MTMR7: variants seen among roughly 807,000 people sequenced by gnomAD.
MTMR7 encodes myotubularin related protein 7, also known as phosphatidylinositol-3-phosphate phosphatase MTMR7.
Under a neutral mutation model 81.2 loss-of-function variants are expected in MTMR7, and 76 were observed. The observed-to-expected ratio is 0.94, with a 90% CI of 0.78 to 1.13. MTMR7 has a LOEUF of 1.13. MTMR7 is among the 50% of genes most tolerant of loss of function. The pLI, the probability that MTMR7 is intolerant of heterozygous loss-of-function variation, is 0.00. For synonymous variants in MTMR7, 372 were observed against 289.8 expected, an observed-to-expected ratio of 1.28 and a Z score of -2.88; for missense variants, 1,044 against 820.0, an observed-to-expected ratio of 1.27 and a Z score of -3.34.
rs1358360356 is a variant in MTMR7, at chr8:17,302,039, A to G, written c.1620+115T>C. On this transcript the variant is annotated intron_variant, in intron 13 of 13. Coordinates refer to ENST00000180173, the MANE Select transcript of MTMR7 (RefSeq NM_004686.5). ...GATGGGGTTGTGTTTCAGGTGTTCT[A>G]CTGACTAAAAATGTGAAATATTTGT... 2.7e-5 allele frequency: 37 copies of G among 1,391,184 alleles called. No homozygotes were observed. The South Asian group carries it at 3.6e-4, about 14-fold the overall frequency. 86.2% of individuals were successfully genotyped at this position (1,391,184 alleles called of 1,614,324 possible).
chr8:17,318,416 G>A (rs1818210964), intron 7 of MTMR7, among the ~76,000 whole-genome samples: 2 of 152,108 alleles, frequency 1.3e-5, no homozygotes, highest in Non-Finnish European at 2.9e-5. Flanking sequence ...AGGAAAAAAG[G>A]TACAGGATGA....
chr8:17,360,783 C>T (rs11987330), intron 4 of MTMR7, among the ~76,000 whole-genome samples: 18,607 of 151,940 alleles, frequency 0.12, 1,284 homozygotes, highest in African/African-American at 0.18. Context: ...TCACTCACTA[C>T]ACTATAAAAA....
At chr8:17,312,113 A>C (rs562298843) in intron 8 of MTMR7, among the ~76,000 whole-genome samples, 18 of 152,374 alleles carry the variant, frequency 1.2e-4, no homozygotes, top group African/African-American at 4.3e-4. Context: ...AACAAAAGTA[A>C]AAATGACACC....
At chr8:17,400,429 A>C (rs1821393491) in intron 1 of MTMR7, among the ~76,000 whole-genome samples, 1 of 152,186 alleles carries the variant, frequency 6.6e-6, no homozygotes, top group Non-Finnish European at 1.5e-5. Flanking sequence ...TAACAACTCT[A>C]CCATTTTGCG....
chr8:17,398,675 A>G (rs1048561673), intron 1 of MTMR7, among the ~76,000 whole-genome samples: 1 of 152,194 alleles, frequency 6.6e-6, no homozygotes, highest in Non-Finnish European at 1.5e-5. Flanking sequence ...CAACCTAAAG[A>G]ACTATGGTGT....
intron 6 of MTMR7, among the ~76,000 whole-genome samples, chr8:17,336,924 G>C (rs80210979): frequency 0.012 from 1,885 of 152,256 alleles, 40 homozygotes; most frequent in East Asian, 0.074. Flanking sequence ...GTGGGCTCTG[G>C]GGTTAGATAA....
At chr8:17,355,227 A>C (rs1057466423) in intron 4 of MTMR7, among the ~76,000 whole-genome samples, 2 of 152,334 alleles carry the variant, frequency 1.3e-5, no homozygotes, top group Middle Eastern at 3.4e-3. Context: ...TTTCTTTACT[A>C]AACTTGGATT....
In MTMR7 at chr8:17,306,889, A is replaced by C. The variant is rs1300524204; in HGVS notation, c.1152-932T>G. 2.7e-5 allele frequency among the ~76,000 whole-genome samples: 4 copies of C among 150,872 alleles called. No homozygotes were observed. In the Admixed American group the frequency reaches 2.7e-4, roughly 10 times the overall value. On this transcript the variant is annotated intron_variant, in intron 10 of 13. Coordinates refer to ENST00000180173, the MANE Select transcript of MTMR7 (RefSeq NM_004686.5). ...TTGCACCTTATACAAAAATTAATTC[A>C]AGATGGATTAAAGACTTAAACGTTA...
Position 17,331,176 on chromosome 8 carries a change from C to T in MTMR7, c.839G>A (p.Arg280Lys), listed in dbSNP as rs953439770. The T allele has an allele frequency of 3.7e-6, 6 of 1,612,220 alleles. No homozygotes were observed. Among genetic ancestry groups the T allele is most frequent in the Admixed American group, 1.7e-5 (1 of 59,424 alleles). Reference protein sequence around the residue: ...FIGIENIHVMRNSLQKMLEVC... With the variant: ...FIGIENIHVMKNSLQKMLEVC... ...TTCCAGCATTTTCTGCAGACTGTTC[C>T]TCATGACATGGATGTTCTCTATCCC... Residue 280 changes from arginine to lysine, a missense_variant, in exon 7 of 14, where the codon AGG becomes AAG. By Grantham distance (26) the Arg-to-Lys change is conservative. Transcript: ENST00000180173.
Position 17,373,121 on chromosome 8 carries a change from TG to T in MTMR7, c.143del (p.Thr48AsnfsTer24), listed in dbSNP as rs1563364801. The T allele has an allele frequency of 6.2e-7, 1 of 1,613,728 alleles. No homozygotes were observed. Among genetic ancestry groups the T allele is most frequent in the African/African-American group, 1.3e-5 (1 of 75,034 alleles). ...VENSPDPRKETWILHSQISTI... is the reference protein window; with the variant it reads ...VENSPDPRKEXWILHSQISTI... ...GCTAAAAATAAAGAAAGCATACCCA[TG>T]TTTCTTTTCTTGGGTCAGGTGAATT... On this transcript the variant is annotated frameshift_variant, in exon 2 of 14. Transcript: ENST00000180173. LOFTEE classifies it high-confidence loss of function.
chr8:17,361,424 G>A, intron 3 of MTMR7, 150 bp from the exon 4 acceptor site: 2 of 762,076 alleles, frequency 2.6e-6, no homozygotes, highest in African/African-American at 1.7e-5. Context: ...TGTGTGCAGT[G>A]GATAGGGTCC....
chr8:17,364,652 T>A (rs1820169882), intron 3 of MTMR7, among the ~76,000 whole-genome samples: 1 of 152,176 alleles, frequency 6.6e-6, no homozygotes, highest in African/African-American at 2.4e-5. Flanking sequence ...AGATCCCACA[T>A]GTAAGTGAGA....
intron 2 of MTMR7, 49 bp from the exon 3 acceptor site, chr8:17,371,248 A>G (rs747415383): frequency 6.3e-7 from 1 of 1,577,934 alleles, no homozygotes; most frequent in South Asian, 1.1e-5. Flanking sequence ...TAACTAATGA[A>G]TACGACAAGG....
rs549637298 is a variant in MTMR7 at position 17,413,318 on chromosome 8, G to C, written c.-26C>G. ...GGCTGGCCCACGTCTGCAGGGTCCC[G>C]GGCGGGCGCGGCCTCACGCACCTGC... On this transcript the variant is annotated 5_prime_UTR_variant, in exon 1 of 14. Coordinates refer to ENST00000180173, the MANE Select transcript of MTMR7 (RefSeq NM_004686.5). 19 of 1,528,982 alleles carry C rather than the reference G, an allele frequency of 1.2e-5. No homozygotes were observed. Among genetic ancestry groups the C allele is most frequent in the South Asian group, 2.4e-5 (2 of 82,468 alleles). 94.7% of individuals were successfully genotyped at this position (1,528,982 alleles called of 1,614,324 possible).
chr8:17,391,252 G>A (rs938638692), intron 1 of MTMR7, among the ~76,000 whole-genome samples: 1 of 152,150 alleles, frequency 6.6e-6, no homozygotes, highest in Non-Finnish European at 1.5e-5. Flanking sequence ...CTTTCACTCT[G>A]AGTAGGGTAG....
rs563485164 is a variant in MTMR7 at position 17,404,223 on chromosome 8, T to C, written c.24+9046A>G. ...AGGAACGGAGGTGGGATAACCTGGA[T>C]AAGGTGAGGATTTACTATTGGAATA... On this transcript the variant is annotated intron_variant, in intron 1 of 13. Transcript: ENST00000180173. Among the ~76,000 whole-genome samples the C allele has an allele frequency of 1.6e-4, 24 of 152,072 alleles. 1 individual carries two copies. The South Asian group carries it at 5.0e-3, about 32-fold the overall frequency.
intron 1 of MTMR7, among the ~76,000 whole-genome samples, chr8:17,376,858 G>T (rs559311148): frequency 2.2e-4 from 33 of 151,926 alleles, no homozygotes; most frequent in African/African-American, 7.7e-4. Context: ...ATATGTATTT[G>T]GATAAATATT....
At position 17,304,450 on chromosome 8, in the gene MTMR7, CA is replaced by C; in HGVS notation, c.1421del (p.Leu474ArgfsTer48). On this transcript the variant is annotated frameshift_variant, in exon 12 of 14. Coordinates refer to ENST00000180173, the MANE Select transcript of MTMR7 (RefSeq NM_004686.5). LOFTEE classifies it high-confidence loss of function. ...GAGTCTGGCTGTGATCAGCTCTAAA[CA>C]GAGGATTCAGGTAGTCGGCCCGATT... Reference protein sequence around the residue: ...WKNRADYLNPLFRADHSQTQG... With the variant: ...WKNRADYLNPXFRADHSQTQG... The C allele has an allele frequency of 1.2e-6, 2 of 1,614,098 alleles. No homozygotes were observed. Among genetic ancestry groups the C allele is most frequent in the Non-Finnish European group, 1.7e-6 (2 of 1,179,966 alleles).
chr8:17,325,560 G>A (rs1042237340), intron 7 of MTMR7, among the ~76,000 whole-genome samples: 10 of 152,186 alleles, frequency 6.6e-5, no homozygotes, highest in East Asian at 1.9e-4. Context: ...GTCCCTGACC[G>A]TACGATCGCC....
Sources: allele counts gnomAD v4.1 joint callset (sites outside exome capture counted in the v4.1 genomes callset), GRCh38; gene constraint gnomAD v4.1.1; transcripts MANE v1.5; gene names NCBI Gene and HGNC (gene_info 2026-07-23, HGNC 2026-07-21).